The following ABCA13 variants were observed in gnomAD, a reference collection of about 807,000 sequenced individuals.
The protein encoded by ABCA13 is ATP-binding cassette sub-family A member 13.
Under a neutral mutation model 478.7 loss-of-function variants are expected in ABCA13, and 476 were observed. The ratio of observed to expected loss-of-function variants is 0.99; its 90% CI spans 0.92 to 1.07. The LOEUF (loss-of-function observed/expected upper bound fraction) is 1.07. ABCA13 is among the 50% of genes least tolerant of loss of function. The pLI is 0.00. For missense variants in ABCA13, 6,060 were observed against 5,910.6 expected, an observed-to-expected ratio of 1.03 and a Z score of -0.83; for synonymous variants, 2,252 against 2,158.9, an observed-to-expected ratio of 1.04 and a Z score of -1.20.
intron 55 of ABCA13, among the ~76,000 whole-genome samples, chr7:48,568,979 TTTC>T (rs1220877363): frequency 6.6e-6 from 1 of 151,990 alleles, no homozygotes; most frequent in Non-Finnish European, 1.5e-5. Flanking sequence ...AAATATTTTA[TTTC>T]TTATTTTAGT....
At chr7:48,270,464 C>A (rs968912037) in intron 16 of ABCA13, among the ~76,000 whole-genome samples, 3 of 152,094 alleles carry the variant, frequency 2.0e-5, no homozygotes, top group Admixed American at 6.6e-5. Context: ...GTTCCCAATA[C>A]AAATAAGTTT....
chr7:48,406,964 C>T (rs1233364672), intron 39 of ABCA13, among the ~76,000 whole-genome samples: 1 of 152,014 alleles, frequency 6.6e-6, no homozygotes, highest in Non-Finnish European at 1.5e-5. Flanking sequence ...ATTTCCTTAA[C>T]AGCCACTAAA....
At chr7:48,270,352 A>G (rs900279638) in intron 16 of ABCA13, among the ~76,000 whole-genome samples, 9 of 152,218 alleles carry the variant, frequency 5.9e-5, no homozygotes, top group Admixed American at 2.0e-4. Context: ...AGTGCTTTAT[A>G]AACTAAATTA....
intron 8 of ABCA13, among the ~76,000 whole-genome samples, chr7:48,238,206 T>C (rs748407989): frequency 2.0e-5 from 3 of 152,138 alleles, no homozygotes; most frequent in Non-Finnish European, 2.9e-5. Flanking sequence ...AGGGTGCTAA[T>C]CCCATTCACA....
intron 57 of ABCA13, 75 bp from the exon 58 acceptor site, chr7:48,594,635 G>C: frequency 7.3e-7 from 1 of 1,375,148 alleles, no homozygotes; most frequent in Non-Finnish European, 1.0e-6. Flanking sequence ...CCTGGGGTCT[G>C]GCCTCCCATG....
chr7:48,226,573 G>A (rs1788234798), intron 5 of ABCA13, among the ~76,000 whole-genome samples: 1 of 152,230 alleles, frequency 6.6e-6, no homozygotes, highest in Admixed American at 6.5e-5. Flanking sequence ...TGGGAACTAG[G>A]CAGCAAGAAG....
chr7:48,546,899 A>C (rs1784864748), intron 55 of ABCA13, among the ~76,000 whole-genome samples: 1 of 151,802 alleles, frequency 6.6e-6, no homozygotes, highest in African/African-American at 2.4e-5. Flanking sequence ...AAATTAGAGT[A>C]GTTTGAATCA....
At chr7:48,512,654 T>C (rs747235108) in intron 51 of ABCA13, among the ~76,000 whole-genome samples, 2 of 152,230 alleles carry the variant, frequency 1.3e-5, no homozygotes, top group Non-Finnish European at 2.9e-5. Context: ...GAGTTAAAAC[T>C]TAGATGAAAT....
At chr7:48,206,992 A>G (rs923395250) in intron 3 of ABCA13, among the ~76,000 whole-genome samples, 2 of 152,090 alleles carry the variant, frequency 1.3e-5, no homozygotes, top group Non-Finnish European at 2.9e-5. Flanking sequence ...AGCCTCTGGT[A>G]ACTATCATTC....
At chr7:48,467,349 G>T (rs17662496) in intron 44 of ABCA13, among the ~76,000 whole-genome samples, 24,320 of 152,066 alleles carry the variant, frequency 0.16, 2,448 homozygotes, top group East Asian at 0.23. Flanking sequence ...AAGCTGAAAA[G>T]AATGAAGTAG....
chr7:48,228,419 C>T (rs2128986197), intron 6 of ABCA13, among the ~76,000 whole-genome samples: 1 of 152,304 alleles, frequency 6.6e-6, no homozygotes, highest in South Asian at 2.1e-4. Context: ...AGTCTTAACA[C>T]TGGACTGTGG....
chr7:48,501,496 A>G (rs1231542349), intron 48 of ABCA13, among the ~76,000 whole-genome samples: 1 of 152,162 alleles, frequency 6.6e-6, no homozygotes, highest in Admixed American at 6.5e-5. Context: ...CATGTAAATT[A>G]TAGGACTCTA....
At chr7:48,314,433 T>C in intron 26 of ABCA13, 24 bp downstream of exon 26, 5 of 1,514,794 alleles carry the variant, frequency 3.3e-6, no homozygotes, top group Non-Finnish European at 4.4e-6. Flanking sequence ...AATATATATA[T>C]ATGTGTTTAG....
intron 39 of ABCA13, chr7:48,404,586 G>A (rs1224288639): frequency 2.6e-5 from 4 of 152,402 alleles, no homozygotes; most frequent in Non-Finnish European, 5.9e-5. Context: ...TGCCTTTTGA[G>A]TATAAATTTT....
At chr7:48,181,636 T>G (rs991552174) in intron 1 of ABCA13, among the ~76,000 whole-genome samples, 1 of 152,102 alleles carries the variant, frequency 6.6e-6, no homozygotes, top group East Asian at 1.9e-4. Flanking sequence ...TACTTAAAGG[T>G]CATTTTGTCA....
At chr7:48,268,793 T>A (rs540824010) in intron 15 of ABCA13, among the ~76,000 whole-genome samples, 187 bp from the exon 16 acceptor site, 11 of 151,774 alleles carry the variant, frequency 7.2e-5, no homozygotes, top group African/African-American at 2.2e-4. Context: ...CGATGGCCAG[T>A]GACTGGTACC....
chr7:48,336,858 C>T (rs902068617), intron 28 of ABCA13, among the ~76,000 whole-genome samples: 4 of 152,182 alleles, frequency 2.6e-5, no homozygotes, highest in African/African-American at 9.7e-5. Flanking sequence ...GTTAATGGGA[C>T]AGATAGTATT....
chr7:48,328,486 T>C (rs1804671974), intron 27 of ABCA13, among the ~76,000 whole-genome samples: 1 of 152,150 alleles, frequency 6.6e-6, no homozygotes, highest in African/African-American at 2.4e-5. Context: ...TAACCTCCTA[T>C]AAAATAGCAG....
intron 39 of ABCA13, among the ~76,000 whole-genome samples, chr7:48,405,327 G>T (rs1339901387): frequency 6.6e-6 from 1 of 152,232 alleles, no homozygotes; most frequent in East Asian, 1.9e-4. Flanking sequence ...GCAGTGCCAT[G>T]TGGTTTTGGT....
Sources: gnomAD v4.1 joint callset for allele counts (sites outside exome capture counted in the v4.1 genomes callset) on GRCh38, gnomAD v4.1.1 for gene constraint, MANE v1.5 for transcripts, NCBI Gene and HGNC (gene_info 2026-07-23, HGNC 2026-07-21) for gene names.